The following STARD13 variants were observed in gnomAD, a reference collection of about 807,000 sequenced individuals.
The protein encoded by STARD13 is stAR-related lipid transfer protein 13.
In STARD13, 62 loss-of-function variants were observed where a neutral mutation model predicts 106.4. The observed-to-expected ratio is 0.58, with a 90% CI of 0.48 to 0.72. STARD13 has a LOEUF of 0.72. Ranked by LOEUF, STARD13 falls within the 30% of genes least tolerant of loss-of-function variation. The probability of loss-of-function intolerance (pLI) is 0.00; values close to 1 mark genes in which losing one functional copy is unlikely to be tolerated. For synonymous variants in STARD13, 565 were observed against 553.0 expected (o/e 1.02, Z -0.31); for missense variants, 1,387 against 1,424.0 (o/e 0.97, Z 0.42).
At chr13:33,261,055 G>A (rs1594181015) in intron 1 of STARD13, among the ~76,000 whole-genome samples, 1 of 152,084 alleles carries the variant, frequency 6.6e-6, no homozygotes, top group Non-Finnish European at 1.5e-5. Context: ...AGAAGACTCT[G>A]GTACACAGAA....
upstream of STARD13, among the ~76,000 whole-genome samples, chr13:33,354,359 C>T (rs1456777797): frequency 6.6e-6 from 1 of 152,226 alleles, no homozygotes; most frequent in Non-Finnish European, 1.5e-5. Context: ...CTCAGATGTA[C>T]TCAGATGTCA....
chr13:33,216,539 A>G (rs1294828192), intron 1 of STARD13, among the ~76,000 whole-genome samples: 1 of 152,144 alleles, frequency 6.6e-6, no homozygotes, highest in East Asian at 1.9e-4. Flanking sequence ...TAAGAATGAC[A>G]CAATGGACTT....
the STARD13 span, chr13:33,654,601 AG>A: frequency 6.6e-6 from 1 of 152,212 alleles, no homozygotes; most frequent in Non-Finnish European, 1.5e-5. Context: ...ACACTTTAAA[AG>A]AGTGAATTTT....
chr13:33,249,409 A>G (rs1427064052), intron 1 of STARD13, among the ~76,000 whole-genome samples: 2 of 152,184 alleles, frequency 1.3e-5, no homozygotes, highest in Non-Finnish European at 2.9e-5. Context: ...TATGTCTACG[A>G]TTTCTTAAGT....
the STARD13 span, among the ~76,000 whole-genome samples, chr13:33,434,289 G>A: frequency 2.1e-5 from 3 of 140,536 alleles, no homozygotes; most frequent in Non-Finnish European, 4.5e-5. Context: ...GGGGGTGGAG[G>A]TTGCAGTGAA....
chr13:33,574,650 G>C, the STARD13 span, among the ~76,000 whole-genome samples: 1 of 152,068 alleles, frequency 6.6e-6, no homozygotes, highest in African/African-American at 2.4e-5. Context: ...CCTGAGGAGG[G>C]AGAATCACTA....
chr13:33,149,832 A>C (rs1238502899), intron 3 of STARD13, among the ~76,000 whole-genome samples: 1 of 152,226 alleles, frequency 6.6e-6, no homozygotes, highest in African/African-American at 2.4e-5. Context: ...CACTTTATCA[A>C]AACCACTGCA....
At chr13:33,441,541 A>G in the STARD13 span, among the ~76,000 whole-genome samples, 1 of 152,216 alleles carries the variant, frequency 6.6e-6, no homozygotes, top group Non-Finnish European at 1.5e-5. Flanking sequence ...GAGTAAGTAC[A>G]AAAATTCAGG....
At chr13:33,603,260 A>T in the STARD13 span, among the ~76,000 whole-genome samples, 1 of 152,136 alleles carries the variant, frequency 6.6e-6, no homozygotes. Flanking sequence ...AGGGAGATGG[A>T]TTTAAGAGTG....
the STARD13 span, among the ~76,000 whole-genome samples, chr13:33,401,882 T>C: frequency 6.6e-6 from 1 of 152,230 alleles, no homozygotes; most frequent in Non-Finnish European, 1.5e-5. Flanking sequence ...AGGCCATTTG[T>C]TCCAACACAT....
chr13:33,421,846 A>G, the STARD13 span, among the ~76,000 whole-genome samples: 220 of 152,340 alleles, frequency 1.4e-3, no homozygotes, highest in African/African-American at 5.0e-3. Context: ...CGCAAAAACC[A>G]TATGATTATC....
At chr13:33,472,334 G>A in the STARD13 span, among the ~76,000 whole-genome samples, 1 of 151,790 alleles carries the variant, frequency 6.6e-6, no homozygotes, top group African/African-American at 2.4e-5. Context: ...GTACATCATA[G>A]GTTTTATAAT....
intron 3 of STARD13, among the ~76,000 whole-genome samples, chr13:33,149,922 T>A (rs889957282): frequency 6.6e-6 from 1 of 152,216 alleles, no homozygotes; most frequent in African/African-American, 2.4e-5. Context: ...AACTTAATCA[T>A]AAGTAATATA....
chr13:33,322,533 T>C (rs1893600213), intron 1 of STARD13, among the ~76,000 whole-genome samples: 1 of 152,226 alleles, frequency 6.6e-6, no homozygotes, highest in Non-Finnish European at 1.5e-5. Context: ...CTTAAAATCT[T>C]ACATCTGCTC....
the STARD13 span, among the ~76,000 whole-genome samples, chr13:33,499,604 T>TTCTTCTTCTTC: frequency 2.2e-3 from 86 of 39,812 alleles, 2 homozygotes; most frequent in African/African-American, 5.9e-3. Context: ...CTTCTTCTTC[T>TTCTTCTTCTTC]TTCTTCTTCT....
intron 4 of STARD13, 103 bp downstream of exon 4, chr13:33,142,206 TA>T: frequency 1.1e-6 from 1 of 871,144 alleles, no homozygotes; most frequent in Non-Finnish European, 1.9e-6. Context: ...TTATTATTAT[TA>T]TTTTTTTGTA....
At chr13:33,350,219 C>T (rs1272909931) in intron 1 of STARD13, 10 of 1,446,456 alleles carry the variant, frequency 6.9e-6, no homozygotes, top group Admixed American at 2.6e-5. Context: ...AGGAGGGCGG[C>T]GGGCCCGGGC....
At chr13:33,586,615 C>G in the STARD13 span, among the ~76,000 whole-genome samples, 1 of 152,136 alleles carries the variant, frequency 6.6e-6, no homozygotes, top group African/African-American at 2.4e-5. Context: ...AGCATGCCAA[C>G]TTAGTGAAAG....
the STARD13 span, among the ~76,000 whole-genome samples, chr13:33,485,823 CT>C: frequency 2.0e-5 from 3 of 152,096 alleles, no homozygotes; most frequent in Non-Finnish European, 4.4e-5. Context: ...ATTATACAAC[CT>C]TTCAATTTCA....
Sources: allele counts gnomAD v4.1 joint callset (sites outside exome capture counted in the v4.1 genomes callset), GRCh38; gene constraint gnomAD v4.1.1; transcripts MANE v1.5; gene names NCBI Gene and HGNC (gene_info 2026-07-23, HGNC 2026-07-21).